Variants in COMMD10 observed in about 807,000 individuals in gnomAD.
COMMD10 encodes COMM domain-containing protein 10.
In COMMD10, 33 loss-of-function variants were observed where a neutral mutation model predicts 28.9. The observed-to-expected ratio is 1.14, with a 90% CI of 0.87 to 1.53. The LOEUF (loss-of-function observed/expected upper bound fraction) is 1.53. COMMD10 is among the 40% of genes most tolerant of loss of function. The pLI, the probability that COMMD10 is intolerant of heterozygous loss-of-function variation, is 0.00. For missense variants in COMMD10, 310 were observed against 233.4 expected, an observed-to-expected ratio of 1.33 and a Z score of -2.14; for synonymous variants, 110 against 81.7, an observed-to-expected ratio of 1.35 and a Z score of -1.87.
intron 4 of COMMD10, among the ~76,000 whole-genome samples, chr5:116,121,940 C>T (rs190600676): frequency 7.3e-4 from 111 of 152,284 alleles, no homozygotes; most frequent in African/African-American, 2.5e-3. Flanking sequence ...GTTGCCTGTT[C>T]ACTCTGATGG....
rs557515673 is a variant in COMMD10, at chr5:116,124,724, A to G, written c.400-9344A>G. ...AGTCTAAGTCTCTTTGTAGGTCTAT[A>G]AGGACTTGCTTTATGAATCTGGGTG... On this transcript the variant is annotated intron_variant, in intron 4 of 6. Transcript: ENST00000274458. Among the ~76,000 whole-genome samples the G allele has an allele frequency of 1.2e-4, 18 of 152,242 alleles. No individual in the cohort carries two copies. The East Asian group carries it at 3.3e-3, about 28-fold the overall frequency.
intron 5 of COMMD10, among the ~76,000 whole-genome samples, chr5:116,203,038 G>C (rs376078953): frequency 1.3e-5 from 2 of 151,752 alleles, no homozygotes; most frequent in Non-Finnish European, 1.5e-5. Flanking sequence ...TTTAAGTCTT[G>C]AATCCATCTT....
intron 5 of COMMD10, among the ~76,000 whole-genome samples, chr5:116,164,568 A>C (rs1235748157): frequency 1.3e-5 from 2 of 152,214 alleles, no homozygotes; most frequent in Non-Finnish European, 2.9e-5. Flanking sequence ...GTAACTGTCT[A>C]TTTTAGTAAC....
intron 5 of COMMD10, among the ~76,000 whole-genome samples, chr5:116,182,878 C>A (rs1402058584): frequency 6.6e-6 from 1 of 151,966 alleles, no homozygotes; most frequent in Non-Finnish European, 1.5e-5. Context: ...CCCATGCTGT[C>A]CTTATGATAG....
chr5:116,159,149 A>G (rs1281414024), intron 5 of COMMD10, among the ~76,000 whole-genome samples: 2 of 152,290 alleles, frequency 1.3e-5, no homozygotes, highest in Non-Finnish European at 1.5e-5. Context: ...TTTGCTCTGT[A>G]TATTTTACAG....
rs953531063 is a variant in COMMD10 at position 116,257,634 on chromosome 5, A to T, written c.511-33883A>T. Among the ~76,000 whole-genome samples the T allele has an allele frequency of 9.2e-5, 14 of 151,764 alleles. No homozygotes were observed. In the South Asian group the frequency reaches 1.7e-3, roughly 18 times the overall value. ...GGGGCCCTTTACCTGAAATCATGGT[A>T]CTAGTTTTAAACTTCATGTTCTTTT... On this transcript the variant is annotated intron_variant, in intron 5 of 6. Coordinates refer to ENST00000274458, the MANE Select transcript of COMMD10 (RefSeq NM_016144.4).
chr5:116,247,993 T>TA (rs1045784743), intron 5 of COMMD10, among the ~76,000 whole-genome samples: 5 of 151,962 alleles, frequency 3.3e-5, no homozygotes, highest in African/African-American at 1.2e-4. Context: ...ATCAAAATTT[T>TA]ATGCAATACC....
At chr5:116,272,698 A>C (rs1157270982) in intron 5 of COMMD10, among the ~76,000 whole-genome samples, 2 of 151,800 alleles carry the variant, frequency 1.3e-5, no homozygotes, top group East Asian at 3.9e-4. Flanking sequence ...CACTCATTTA[A>C]ATTTTCATTG....
intron 5 of COMMD10, among the ~76,000 whole-genome samples, chr5:116,212,504 G>GTA: frequency 6.9e-6 from 1 of 144,462 alleles, no homozygotes. Context: ...TGCTGTGTGT[G>GTA]TGTGTGTGTG....
intron 4 of COMMD10, 145 bp from the exon 5 acceptor site, chr5:116,133,923 T>G (rs1243098131): frequency 9.2e-6 from 5 of 545,432 alleles, no homozygotes; most frequent in Non-Finnish European, 1.6e-5. Context: ...ATTCGCAGAG[T>G]ATGCAGGTTA....
intron 5 of COMMD10, among the ~76,000 whole-genome samples, chr5:116,165,622 G>A (rs1753064449): frequency 6.6e-6 from 1 of 152,096 alleles, no homozygotes; most frequent in Admixed American, 6.5e-5. Flanking sequence ...ATCTGTGTGT[G>A]TGTTTGTGCG....
chr5:116,229,156 C>G (rs535901229), intron 5 of COMMD10, among the ~76,000 whole-genome samples: 2 of 152,056 alleles, frequency 1.3e-5, no homozygotes, highest in Non-Finnish European at 2.9e-5. Flanking sequence ...TCCCTTTGCA[C>G]TATTTTTAAT....
chr5:116,263,961 T>A (rs1046831422), intron 5 of COMMD10, among the ~76,000 whole-genome samples: 1 of 151,822 alleles, frequency 6.6e-6, no homozygotes, highest in African/African-American at 2.4e-5. Flanking sequence ...TCTTCAAATG[T>A]TTTACGGAGT....
intron 5 of COMMD10, among the ~76,000 whole-genome samples, chr5:116,210,918 A>G (rs1748947472): frequency 6.6e-6 from 1 of 152,050 alleles, no homozygotes; most frequent in Non-Finnish European, 1.5e-5. Flanking sequence ...TTATTCCTCT[A>G]GAAAAGATAA....
intron 4 of COMMD10, among the ~76,000 whole-genome samples, chr5:116,116,564 C>G (rs1751238303): frequency 1.3e-5 from 2 of 152,234 alleles, no homozygotes; most frequent in South Asian, 4.1e-4. Flanking sequence ...TTTTTTGTTA[C>G]TTTAGTTTCG....
chr5:116,156,169 ACT>A (rs1351555911), intron 5 of COMMD10, among the ~76,000 whole-genome samples: 1 of 152,036 alleles, frequency 6.6e-6, no homozygotes, highest in Non-Finnish European at 1.5e-5. Context: ...TTCCAAAATA[ACT>A]CTGTATTATA....
At chr5:116,246,149 CAT>C (rs1749947301) in intron 5 of COMMD10, among the ~76,000 whole-genome samples, 1 of 151,950 alleles carries the variant, frequency 6.6e-6, no homozygotes, top group South Asian at 2.1e-4. Flanking sequence ...CAGAATACAA[CAT>C]GAGTGTGCAA....
Position 116,162,983 on chromosome 5 carries a change from C to T in COMMD10, c.510+28805C>T, listed in dbSNP as rs1441634405. Reference sequence around the variant, plus strand: ...AGCCAGGCATTGTTAAGAATTTGTCCTGCTTATACTCCTCTCTCAGTTTCT... The same window carrying T: ...AGCCAGGCATTGTTAAGAATTTGTCTTGCTTATACTCCTCTCTCAGTTTCT... On this transcript the variant is annotated intron_variant, in intron 5 of 6. Coordinates refer to ENST00000274458, the MANE Select transcript of COMMD10 (RefSeq NM_016144.4). 2.6e-5 allele frequency among the ~76,000 whole-genome samples: 4 copies of T among 152,138 alleles called. No individual in the cohort carries two copies. The East Asian group carries it at 7.7e-4, about 29-fold the overall frequency.
At chr5:116,117,537 C>T (rs544867675) in intron 4 of COMMD10, among the ~76,000 whole-genome samples, 42 of 152,272 alleles carry the variant, frequency 2.8e-4, no homozygotes, top group African/African-American at 9.9e-4. Context: ...GATATCGGCT[C>T]ACTGCAACCT....
Sources: gnomAD v4.1 joint callset for allele counts (sites outside exome capture counted in the v4.1 genomes callset) on GRCh38, gnomAD v4.1.1 for gene constraint, MANE v1.5 for transcripts, NCBI Gene and HGNC (gene_info 2026-07-23, HGNC 2026-07-21) for gene names.